The following FBXO34 variants were observed in gnomAD, a reference collection of about 807,000 sequenced individuals.
FBXO34 encodes F-box only protein 34.
In FBXO34, 12 loss-of-function variants were observed where a neutral mutation model predicts 24.5. The ratio of observed to expected loss-of-function variants is 0.49; its 90% CI spans 0.31 to 0.79. The LOEUF (loss-of-function observed/expected upper bound fraction) is 0.79, where lower values mean the gene tolerates loss of function less well. Ranked by LOEUF, FBXO34 falls within the 30% of genes least tolerant of loss-of-function variation. The pLI, the probability that FBXO34 is intolerant of heterozygous loss-of-function variation, is 0.04. For synonymous variants in FBXO34, 320 were observed against 311.9 expected (o/e 1.03, Z -0.27); for missense variants, 823 against 857.7 (o/e 0.96, Z 0.51).
chr14:55,317,363 C>A (rs1399751190), intron 1 of FBXO34, among the ~76,000 whole-genome samples: 1 of 151,968 alleles, frequency 6.6e-6, no homozygotes, highest in African/African-American at 2.4e-5. Flanking sequence ...GCCTGTGGTC[C>A]CAGCTACTTG....
At chr14:55,306,517 A>G (rs1388214680) in intron 1 of FBXO34, among the ~76,000 whole-genome samples, 2 of 152,250 alleles carry the variant, frequency 1.3e-5, no homozygotes, top group Non-Finnish European at 2.9e-5. Flanking sequence ...AGGAAATAGT[A>G]CGTGGTCTTT....
At chr14:55,337,924 C>G (rs1220483536) in intron 1 of FBXO34, among the ~76,000 whole-genome samples, 1 of 152,068 alleles carries the variant, frequency 6.6e-6, no homozygotes, top group African/African-American at 2.4e-5. Flanking sequence ...AGAGCGTAGG[C>G]TTTGACTCCT....
the FBXO34 span, chr14:55,413,993 C>A: frequency 1.9e-6 from 1 of 525,218 alleles, no homozygotes; most frequent in Non-Finnish European, 3.7e-6. Flanking sequence ...GGAACAACTC[C>A]ATCTTTTCTA....
intron 1 of FBXO34, chr14:55,298,917 G>A: frequency 6.3e-7 from 1 of 1,578,164 alleles, no homozygotes; most frequent in South Asian, 1.1e-5. Context: ...CACCAATACC[G>A]AGGTGCTCAA....
chr14:55,305,742 C>T (rs937344419), intron 1 of FBXO34, among the ~76,000 whole-genome samples: 6 of 151,864 alleles, frequency 4.0e-5, no homozygotes, highest in African/African-American at 1.2e-4. Flanking sequence ...AATAAAATTA[C>T]GTTATAAAAA....
intron 1 of FBXO34, among the ~76,000 whole-genome samples, chr14:55,330,599 C>T (rs569627492): frequency 6.6e-6 from 1 of 151,856 alleles, no homozygotes; most frequent in Admixed American, 6.6e-5. Context: ...GCCTGGGTAA[C>T]ATAGTGAGAC....
the FBXO34 span, among the ~76,000 whole-genome samples, chr14:55,427,921 C>T: frequency 2.0e-5 from 3 of 147,920 alleles, no homozygotes; most frequent in African/African-American, 5.0e-5. Context: ...GGCTGTGGCC[C>T]GGGCTGGAGT....
the FBXO34 span, among the ~76,000 whole-genome samples, chr14:55,400,828 C>T: frequency 7.9e-5 from 12 of 151,798 alleles, no homozygotes; most frequent in Non-Finnish European, 1.3e-4. Context: ...TGCTTGAACC[C>T]GGGAAGCGGA....
rs1308980217 is a variant in FBXO34 at position 55,351,885 on chromosome 14, G to A, written c.1495G>A (p.Glu499Lys). 1.2e-6 allele frequency: 2 copies of A among 1,614,174 alleles called. No homozygotes were observed. Among genetic ancestry groups the A allele is most frequent in the East Asian group, 2.2e-5 (1 of 44,880 alleles). Reference sequence around the variant, plus strand: ...CTTGTCAGACTATTCCCAGTTGAATGAAAGCACAACAAAAGAGTCTTCAGA... The same window carrying A: ...CTTGTCAGACTATTCCCAGTTGAATAAAAGCACAACAAAAGAGTCTTCAGA... ...QHLSDYSQLN[E>K]STTKESSEAS... The change falls in exon 2 of 2, where the codon GAA (glutamate) becomes AAA (lysine). Residue 499 changes from glutamate to lysine, a missense_variant. Around this residue, in one of 2 missense-constraint regions of FBXO34, gnomAD observed 693 missense variants for 659.1 expected, o/e 1.05. Coordinates refer to ENST00000313833, the MANE Select transcript of FBXO34 (RefSeq NM_017943.4).
intron 3 of FBXO34, among the ~76,000 whole-genome samples, chr14:55,359,959 AG>A (rs1884571673): frequency 6.6e-6 from 1 of 151,254 alleles, no homozygotes; most frequent in African/African-American, 2.4e-5. Context: ...GTATGCCAAT[AG>A]TCCCAACTAG....
At chr14:55,334,474 G>A (rs1279109817) in intron 1 of FBXO34, among the ~76,000 whole-genome samples, 2 of 146,690 alleles carry the variant, frequency 1.4e-5, no homozygotes, top group Non-Finnish European at 3.0e-5. Flanking sequence ...AACTGGGAAG[G>A]CACAGTTCTG....
the FBXO34 span, among the ~76,000 whole-genome samples, chr14:55,385,314 A>G: frequency 6.6e-6 from 1 of 152,082 alleles, no homozygotes; most frequent in African/African-American, 2.4e-5. Context: ...TTTCTTTGAG[A>G]CAGAGTCTCG....
At chr14:55,441,519 G>A in the FBXO34 span, among the ~76,000 whole-genome samples, 42 of 152,078 alleles carry the variant, frequency 2.8e-4, no homozygotes, top group Admixed American at 6.6e-5. Flanking sequence ...GTCAGGTGTA[G>A]TATTTTTACA....
intron 1 of FBXO34, among the ~76,000 whole-genome samples, chr14:55,289,426 T>C (rs1168155912): frequency 6.6e-6 from 1 of 152,210 alleles, no homozygotes; most frequent in Non-Finnish European, 1.5e-5. Flanking sequence ...GTTTTCTTCC[T>C]TCCCCTGTCT....
At chr14:55,354,607 T>C (rs1032308896), downstream of FBXO34, 3 of 152,256 alleles carry the variant, frequency 2.0e-5, no homozygotes, top group Non-Finnish European at 2.9e-5. Flanking sequence ...CCAGCCCCAG[T>C]TGGCATGCAG....
At chr14:55,319,736 C>T (rs1206115230) in intron 1 of FBXO34, among the ~76,000 whole-genome samples, 1 of 152,094 alleles carries the variant, frequency 6.6e-6, no homozygotes, top group African/African-American at 2.4e-5. Flanking sequence ...AGTGCAGTGG[C>T]GCAATCTCGG....
chr14:55,434,577 A>G, the FBXO34 span, among the ~76,000 whole-genome samples: 1 of 150,994 alleles, frequency 6.6e-6, no homozygotes, highest in African/African-American at 2.4e-5. Context: ...CCAAAATGAG[A>G]GGTGTGCTGA....
At chr14:55,296,397 T>TG (rs1352633586) in intron 1 of FBXO34, among the ~76,000 whole-genome samples, 3 of 130,926 alleles carry the variant, frequency 2.3e-5, no homozygotes, top group Admixed American at 7.5e-5. Context: ...TTTTGTTTTT[T>TG]TTTTTTTTTT....
At chr14:55,416,462 TAAAG>T in the FBXO34 span, among the ~76,000 whole-genome samples, 2 of 152,040 alleles carry the variant, frequency 1.3e-5, no homozygotes, top group African/African-American at 2.4e-5. Context: ...AGAGAAAAAA[TAAAG>T]AGAAGAAAAG....
Sources: allele counts gnomAD v4.1 joint callset (sites outside exome capture counted in the v4.1 genomes callset), GRCh38; gene constraint gnomAD v4.1.1; regional missense constraint gnomAD v4.1.1; transcripts MANE v1.5; gene names NCBI Gene and HGNC (gene_info 2026-07-23, HGNC 2026-07-21).